RNGTT: variants seen among roughly 807,000 people sequenced by gnomAD.
The protein encoded by RNGTT is RNA guanylyltransferase and 5'-phosphatase.
RNGTT carries 33 observed loss-of-function variants against 79.3 expected under a neutral mutation model. The observed-to-expected ratio is 0.42, with a 90% confidence interval of 0.32 to 0.56. The LOEUF is 0.56. RNGTT is among the 20% of genes least tolerant of loss of function. The pLI is 0.17. For synonymous variants in RNGTT, 222 were observed against 235.9 expected, an observed-to-expected ratio of 0.94 and a Z score of 0.54; for missense variants, 497 against 739.1, an observed-to-expected ratio of 0.67 and a Z score of 3.80.
At chr6:88,676,432 C>T (rs1291175601) in intron 14 of RNGTT, among the ~76,000 whole-genome samples, 2 of 151,324 alleles carry the variant, frequency 1.3e-5, no homozygotes, top group African/African-American at 2.4e-5. Context: ...ATAAAAATTA[C>T]CTCAAATGGA....
intron 4 of RNGTT, among the ~76,000 whole-genome samples, chr6:88,915,509 C>T (rs1284743117): frequency 2.6e-5 from 4 of 152,252 alleles, no homozygotes; most frequent in Middle Eastern, 3.4e-3. Context: ...AGAGAATTAA[C>T]GCAGAAACAG....
At chr6:88,766,399 AAGTT>A (rs1234702645) in intron 13 of RNGTT, among the ~76,000 whole-genome samples, 8 of 152,160 alleles carry the variant, frequency 5.3e-5, no homozygotes, top group Non-Finnish European at 7.4e-5. Flanking sequence ...TTTAGGTCAC[AAGTT>A]AGTTAATATA....
intron 13 of RNGTT, among the ~76,000 whole-genome samples, chr6:88,707,675 G>A (rs969929593): frequency 4.7e-5 from 7 of 148,760 alleles, no homozygotes; most frequent in African/African-American, 1.7e-4. Context: ...AAGTAGCCTT[G>A]AGTAGGTGAA....
chr6:88,851,982 T>C (rs963562043), intron 9 of RNGTT, among the ~76,000 whole-genome samples: 1 of 152,046 alleles, frequency 6.6e-6, no homozygotes, highest in African/African-American at 2.4e-5. Context: ...CATTATTTCC[T>C]ACCTAGAATG....
intron 14 of RNGTT, among the ~76,000 whole-genome samples, chr6:88,622,798 C>T (rs538479326): frequency 6.6e-6 from 1 of 152,218 alleles, no homozygotes; most frequent in South Asian, 2.1e-4. Flanking sequence ...ATTCCTCCCA[C>T]CTGACAAATA....
rs1783362818 is a variant in RNGTT at position 88,899,239 on chromosome 6, T to G, written c.684+5476A>C. 2.0e-5 allele frequency among the ~76,000 whole-genome samples: 3 copies of G among 151,888 alleles called. No homozygotes were observed. In the South Asian group the frequency reaches 6.2e-4, roughly 32 times the overall value. On this transcript the variant is annotated intron_variant, in intron 6 of 15. Coordinates refer to ENST00000369485, the MANE Select transcript of RNGTT (RefSeq NM_003800.5). ...ATAACAGAAATCAAGACTAATTGCT[T>G]TCTCCAAAAAGAGAGAAAGAAGGTT...
intron 14 of RNGTT, among the ~76,000 whole-genome samples, chr6:88,663,895 T>C (rs537395803): frequency 1.3e-5 from 2 of 152,110 alleles, no homozygotes; most frequent in Non-Finnish European, 2.9e-5. Flanking sequence ...AAAAATAACA[T>C]CCCATCCTAT....
intron 14 of RNGTT, among the ~76,000 whole-genome samples, chr6:88,650,762 A>C (rs1021673294): frequency 2.6e-5 from 4 of 152,214 alleles, no homozygotes; most frequent in African/African-American, 9.6e-5. Context: ...ATAACTATAT[A>C]ATACTGTTAC....
At chr6:88,739,748 T>C (rs1343271808) in intron 13 of RNGTT, among the ~76,000 whole-genome samples, 6 of 46,670 alleles carry the variant, frequency 1.3e-4, no homozygotes, top group Non-Finnish European at 2.2e-4. Context: ...TATATATATA[T>C]ATATATATAT....
At chr6:88,732,014 C>A (rs142179618) in intron 13 of RNGTT, among the ~76,000 whole-genome samples, 2 of 152,202 alleles carry the variant, frequency 1.3e-5, no homozygotes, top group African/African-American at 4.8e-5. Context: ...TAAAGGTCTT[C>A]ATCCTCATCA....
At chr6:88,762,840 G>A (rs1778316303) in intron 13 of RNGTT, among the ~76,000 whole-genome samples, 1 of 152,162 alleles carries the variant, frequency 6.6e-6, no homozygotes, top group East Asian at 1.9e-4. Context: ...GAGTGGCAGA[G>A]CTTGAATTGA....
chr6:88,777,748 ATTCTACTACTTGTT>A (rs1778936055), intron 12 of RNGTT, among the ~76,000 whole-genome samples: 1 of 152,168 alleles, frequency 6.6e-6, no homozygotes, highest in Admixed American at 6.5e-5. Flanking sequence ...AACAGAGATA[ATTCTACTACTTGTT>A]TTCCATTTTA....
intron 14 of RNGTT, among the ~76,000 whole-genome samples, chr6:88,632,943 C>T (rs1481453841): frequency 6.6e-6 from 1 of 152,206 alleles, no homozygotes; most frequent in Non-Finnish European, 1.5e-5. Context: ...CGAACAATGA[C>T]TACACTGTAA....
intron 13 of RNGTT, among the ~76,000 whole-genome samples, chr6:88,735,304 G>T (rs1249981061): frequency 3.3e-5 from 5 of 152,082 alleles, no homozygotes; most frequent in African/African-American, 4.8e-5. Context: ...ATGTTGTTGA[G>T]TTGATGAGCA....
chr6:88,686,816 T>G (rs1457754053), intron 13 of RNGTT, among the ~76,000 whole-genome samples: 1 of 152,136 alleles, frequency 6.6e-6, no homozygotes, highest in Non-Finnish European at 1.5e-5. Flanking sequence ...GATCCAAACT[T>G]CGCACAAGTC....
chr6:88,841,257 C>G (rs1257959146), intron 11 of RNGTT, among the ~76,000 whole-genome samples: 1 of 152,014 alleles, frequency 6.6e-6, no homozygotes, highest in Non-Finnish European at 1.5e-5. Context: ...CAGAGGTCAA[C>G]CAAAATTCCC....
intron 8 of RNGTT, among the ~76,000 whole-genome samples, chr6:88,863,833 G>A (rs1782087074): frequency 6.6e-6 from 1 of 151,972 alleles, no homozygotes; most frequent in Non-Finnish European, 1.5e-5. Flanking sequence ...ATAATTATGG[G>A]CTCTGATGAA....
chr6:88,707,469 G>A (rs1224588566), intron 13 of RNGTT, among the ~76,000 whole-genome samples: 1 of 152,148 alleles, frequency 6.6e-6, no homozygotes, highest in East Asian at 1.9e-4. Flanking sequence ...ATGCTATCTA[G>A]AAAAGATGTG....
intron 9 of RNGTT, among the ~76,000 whole-genome samples, chr6:88,851,684 TCAGA>T (rs1300415914): frequency 6.6e-6 from 1 of 152,044 alleles, no homozygotes; most frequent in Admixed American, 6.5e-5. Context: ...CATCTGACAG[TCAGA>T]CAATTAGGTG....
Sources: gnomAD v4.1 joint callset for allele counts (sites outside exome capture counted in the v4.1 genomes callset) on GRCh38, gnomAD v4.1.1 for gene constraint, MANE v1.5 for transcripts, NCBI Gene and HGNC (gene_info 2026-07-23, HGNC 2026-07-21) for gene names.